The following OSBPL9 variants were observed in gnomAD, a reference collection of about 807,000 sequenced individuals.
The protein encoded by OSBPL9 is oxysterol binding protein like 9, also known as oxysterol-binding protein-related protein 9.
A neutral mutation model predicts 106.6 loss-of-function variants in OSBPL9; 40 were observed. That is an observed-to-expected ratio of 0.38 (90% CI 0.29 to 0.49). The LOEUF (loss-of-function observed/expected upper bound fraction) is 0.49, where lower values mean the gene tolerates loss of function less well. OSBPL9 is among the 20% of genes least tolerant of loss of function. OSBPL9 has a pLI of 0.97. For synonymous variants in OSBPL9, 269 were observed against 295.4 expected (o/e 0.91, Z 0.92); for missense variants, 609 against 887.2 (o/e 0.69, Z 3.98).
intron 12 of OSBPL9, among the ~76,000 whole-genome samples, chr1:51,769,333 C>G (rs1302966000): frequency 6.6e-6 from 1 of 152,142 alleles, no homozygotes; most frequent in African/African-American, 2.4e-5. Flanking sequence ...AACTATGGCA[C>G]TGAGCACTGT....
chr1:51,768,155 A>G (rs1158646731), intron 12 of OSBPL9, among the ~76,000 whole-genome samples: 5 of 151,874 alleles, frequency 3.3e-5, no homozygotes, highest in African/African-American at 1.2e-4. Context: ...GTTAGCCAGG[A>G]TGGTCTCGAT....
rs139716604 is a variant in OSBPL9 at position 51,755,161 on chromosome 1, G to T, written c.544-1159G>T. ...TAAGCCACCCAGTCTATGGTATTTT[G>T]TTATGGCAGCCCAAGCAGATTAATA... On this transcript the variant is annotated intron_variant, in intron 8 of 23. Transcript: ENST00000428468. Among the ~76,000 whole-genome samples, 395 of 152,180 alleles carry T rather than the reference G, an allele frequency of 2.6e-3. 1 individual carries two copies. The highest frequency in any genetic ancestry group is 9.0e-3 in the African/African-American group (374 of 41,518).
chr1:51,728,703 CT>C (rs1351682818), intron 4 of OSBPL9, among the ~76,000 whole-genome samples: 1 of 152,058 alleles, frequency 6.6e-6, no homozygotes, highest in Non-Finnish European at 1.5e-5. Context: ...AGCATTGCAC[CT>C]TTTTTTGTTG....
upstream of OSBPL9, among the ~76,000 whole-genome samples, chr1:51,575,252 G>A (rs1645176436): frequency 6.6e-6 from 1 of 152,166 alleles, no homozygotes; most frequent in Admixed American, 6.5e-5. Flanking sequence ...CCAGGCTGGA[G>A]TGCAGTGGCC....
chr1:51,718,597 AT>A (rs1424633148), intron 4 of OSBPL9, among the ~76,000 whole-genome samples: 1 of 151,958 alleles, frequency 6.6e-6, no homozygotes, highest in African/African-American at 2.4e-5. Context: ...CCGTTGTCTG[AT>A]TTTTCTGCTT....
the OSBPL9 span, among the ~76,000 whole-genome samples, chr1:51,524,528 T>C: frequency 9.2e-5 from 14 of 152,314 alleles, no homozygotes; most frequent in South Asian, 2.9e-3. Flanking sequence ...CAGCAGAAAC[T>C]AGATAAGCAT....
intron 3 of OSBPL9, among the ~76,000 whole-genome samples, chr1:51,702,334 G>A (rs1187816297): frequency 6.6e-6 from 1 of 151,870 alleles, no homozygotes; most frequent in East Asian, 1.9e-4. Context: ...TTTAATGATC[G>A]CCATTCTAAC....
chr1:51,550,100 T>C, the OSBPL9 span, among the ~76,000 whole-genome samples: 2 of 152,184 alleles, frequency 1.3e-5, no homozygotes, highest in African/African-American at 4.8e-5. Context: ...AGCAAGTGAC[T>C]TACCCACTCT....
rs540667193 is a variant in OSBPL9, at chr1:51,759,111, GT to G, written c.583-1568del. 2.8e-3 allele frequency among the ~76,000 whole-genome samples: 399 copies of G among 144,030 alleles called. 2 individuals are homozygous for G. Among genetic ancestry groups the G allele is most frequent in the African/African-American group, 8.5e-3 (338 of 39,574 alleles). 94.5% of individuals were successfully genotyped at this position (144,030 alleles called of 152,430 possible). A position where few individuals can be genotyped will look rare whatever the true frequency, so the allele number is the denominator to read the frequency against. On this transcript the variant is annotated intron_variant, in intron 9 of 23. Coordinates refer to ENST00000428468, the MANE Select transcript of OSBPL9 (RefSeq NM_024586.6). The stretch of plus-strand genomic sequence containing the variant: ...CATTCCCCACTTCAGTTTCTTAGTT[GT>G]TTTTTTTTTTAATTATTACTGATTG...
In OSBPL9 at chr1:51,787,780, CAA is replaced by C; in HGVS notation, c.2203_2204del (p.Lys735AlafsTer55). The C allele has an allele frequency of 6.2e-7, 1 of 1,612,432 alleles. No individual in the cohort carries two copies. Among genetic ancestry groups the C allele is most frequent in the Non-Finnish European group, 8.5e-7 (1 of 1,178,898 alleles). ...CATTACTGAAACGTCTTGGTGCTGCCAAGCATTAGGTTGGAAGATGCAAAGTT... is the reference window on the plus strand; with the variant it reads ...CATTACTGAAACGTCTTGGTGCTGCCGCATTAGGTTGGAAGATGCAAAGTT... Reference protein sequence around the residue: ...EPLLKRLGAAKH With the variant: ...EPLLKRLGAAXH On this transcript the variant is annotated frameshift_variant, in exon 24 of 24. Coordinates refer to ENST00000428468, the MANE Select transcript of OSBPL9 (RefSeq NM_024586.6). LOFTEE classifies it high-confidence loss of function.
chr1:51,772,730 C>G lies in OSBPL9; in HGVS notation c.1170+7C>G, dbSNP rs764147830. 2 of 1,593,630 alleles carry G rather than the reference C, an allele frequency of 1.3e-6. No homozygotes were observed. The highest frequency in any genetic ancestry group is 1.1e-5 in the South Asian group (1 of 90,608). ...TGGAATGGATCTTACTAAGGTAAGA[C>G]CAAATTTGCTGTAAGTCTGTGTGGG... On this transcript the variant is annotated splice_region_variant and intron_variant, in intron 14 of 23. Transcript: ENST00000428468.
At chr1:51,660,270 A>C (rs1407362964) in intron 2 of OSBPL9, among the ~76,000 whole-genome samples, 1 of 152,222 alleles carries the variant, frequency 6.6e-6, no homozygotes, top group Non-Finnish European at 1.5e-5. Flanking sequence ...AGCAGAAAGC[A>C]TAAACCACAA....
chr1:51,539,785 A>G, the OSBPL9 span, among the ~76,000 whole-genome samples: 2 of 152,174 alleles, frequency 1.3e-5, no homozygotes, highest in Non-Finnish European at 2.9e-5. Context: ...CTTAGCCTTC[A>G]AGCTTATCTG....
At position 51,748,408 on chromosome 1, in the gene OSBPL9, A is replaced by G. The variant is rs759233306; in HGVS notation, c.492+10A>G. The G allele has an allele frequency of 2.7e-6, 4 of 1,502,078 alleles. No homozygotes were observed. The highest frequency in any genetic ancestry group is 3.5e-6 in the Non-Finnish European group (4 of 1,133,334). 93.0% of individuals were successfully genotyped at this position (1,502,078 alleles called of 1,614,324 possible). On this transcript the variant is annotated intron_variant, in intron 7 of 23. Coordinates refer to ENST00000428468, the MANE Select transcript of OSBPL9 (RefSeq NM_024586.6). ...CAAAGAGACAACAAATGTAAGTTAT[A>G]TGTTTGATACATTCTGACTTTGCAT...
At chr1:51,569,122 A>T in the OSBPL9 span, among the ~76,000 whole-genome samples, 2 of 152,200 alleles carry the variant, frequency 1.3e-5, no homozygotes, top group Admixed American at 6.5e-5. Context: ...GCCTAGTTAC[A>T]TATTTAGGTT....
rs531880414 is a variant in OSBPL9 at position 51,643,167 on chromosome 1, G to A, written c.112-8824G>A. ...CAATAAAGAGCACACTCCTGTGATA[G>A]TGACATTAATCCATCAAGGAGGACA... is the stretch of plus-strand genomic sequence containing the variant. On this transcript the variant is annotated intron_variant, in intron 1 of 23. Transcript: ENST00000428468. Among the ~76,000 whole-genome samples the A allele has an allele frequency of 3.3e-5, 5 of 152,284 alleles. No individual in the cohort carries two copies. In the South Asian group the frequency reaches 1.0e-3, roughly 32 times the overall value.
chr1:51,590,052 A>AG (rs1645266235), intron 1 of OSBPL9, among the ~76,000 whole-genome samples: 1 of 151,000 alleles, frequency 6.6e-6, no homozygotes, highest in African/African-American at 2.4e-5. Flanking sequence ...AAAAAAAAAA[A>AG]AGAGAGAGGT....
intron 2 of OSBPL9, among the ~76,000 whole-genome samples, chr1:51,664,871 A>G (rs1420467907): frequency 5.9e-5 from 9 of 152,152 alleles, no homozygotes; most frequent in Non-Finnish European, 2.9e-5. Flanking sequence ...TTACATTTCA[A>G]TGTAGTGTTA....
intron 3 of OSBPL9, among the ~76,000 whole-genome samples, chr1:51,701,868 A>G (rs1439991105): frequency 2.6e-5 from 4 of 152,202 alleles, no homozygotes; most frequent in Middle Eastern, 3.4e-3. Flanking sequence ...TCGTTGTTCA[A>G]TTCCCACCTA....
Sources: gnomAD v4.1 joint callset for allele counts (sites outside exome capture counted in the v4.1 genomes callset) on GRCh38, gnomAD v4.1.1 for gene constraint, MANE v1.5 for transcripts, NCBI Gene and HGNC (gene_info 2026-07-23, HGNC 2026-07-21) for gene names.